Variants in GLB1 observed in about 807,000 individuals in gnomAD.
GLB1 encodes the protein beta-galactosidase.
A neutral mutation model predicts 74.0 loss-of-function variants in GLB1; 56 were observed. The observed-to-expected ratio is 0.76, with a 90% CI of 0.61 to 0.94. GLB1 has a LOEUF of 0.94. Among genes scored for constraint, GLB1 ranks in the 40% least tolerant of loss-of-function variants. The probability of loss-of-function intolerance (pLI) is 0.00; values close to 1 mark genes in which losing one functional copy is unlikely to be tolerated. For missense variants in GLB1, 787 were observed against 845.5 expected, an observed-to-expected ratio of 0.93 and a Z score of 0.86; for synonymous variants, 323 against 323.6, an observed-to-expected ratio of 1.00 and a Z score of 0.02.
chr3:33,042,743 A>G (rs955617627), intron 10 of GLB1, among the ~76,000 whole-genome samples: 2 of 151,946 alleles, frequency 1.3e-5, no homozygotes, highest in African/African-American at 2.4e-5. Flanking sequence ...AATGCCATAT[A>G]CCTTCCCAAG....
intron 4 of GLB1, among the ~76,000 whole-genome samples, chr3:33,065,797 A>G (rs750402322): frequency 2.6e-4 from 39 of 151,946 alleles, no homozygotes; most frequent in Non-Finnish European, 3.7e-4. Context: ...GAGAAACCCC[A>G]TCTCTACTAA....
At chr3:32,997,385 C>A in intron 15 of GLB1, 41 bp from the exon 16 acceptor site, 2 of 1,610,268 alleles carry the variant, frequency 1.2e-6, no homozygotes, top group South Asian at 1.1e-5. Context: ...CCCAGATGCA[C>A]CGAAAGCCCT....
intron 4 of GLB1, among the ~76,000 whole-genome samples, chr3:33,066,287 C>T (rs1243184453): frequency 6.6e-6 from 1 of 152,130 alleles, no homozygotes; most frequent in Non-Finnish European, 1.5e-5. Flanking sequence ...GCTCAGCCCT[C>T]ATAAGTAGAT....
In GLB1 at chr3:33,067,440, C is replaced by T. The variant is rs144994902; in HGVS notation, c.457+790G>A. ...CAGCCTCCCGGACTACAGGCATGTG[C>T]CAGCACACCTGGCTAATTTTTATAG... On this transcript the variant is annotated intron_variant, in intron 4 of 15. Transcript: ENST00000307363. Among the ~76,000 whole-genome samples, 345 of 119,022 alleles carry T rather than the reference C, an allele frequency of 2.9e-3. 7 individuals carry two copies. The South Asian group carries it at 0.065, about 22-fold the overall frequency. 78.1% of individuals were successfully genotyped at this position (119,022 alleles called of 152,430 possible).
At chr3:33,045,695 A>G in intron 10 of GLB1, 2 of 1,058,712 alleles carry the variant, frequency 1.9e-6, no homozygotes, top group Non-Finnish European at 2.3e-6. Flanking sequence ...CCATATATCC[A>G]TGCTGCCTTA....
chr3:32,985,659 A>C, the GLB1 span, among the ~76,000 whole-genome samples: 3 of 151,654 alleles, frequency 2.0e-5, no homozygotes, highest in Non-Finnish European at 2.9e-5. Flanking sequence ...TTTAGTATTG[A>C]TGCGTCTTCT....
chr3:32,996,976 G>A lies in GLB1; in HGVS notation c.*69C>T. On this transcript the variant is annotated 3_prime_UTR_variant, in exon 16 of 16. Transcript: ENST00000307363. ...ATTTCCACATTCCAATCAGTGAAAT[G>A]TGGCATGACAGGGAGGATCTGTGAG... 1 of 1,612,348 alleles carries A rather than the reference G, an allele frequency of 6.2e-7. No homozygotes were observed. The highest frequency in any genetic ancestry group is 8.5e-7 in the Non-Finnish European group (1 of 1,179,214).
At chr3:32,971,402 C>T in the GLB1 span, among the ~76,000 whole-genome samples, 4 of 152,308 alleles carry the variant, frequency 2.6e-5, no homozygotes, top group East Asian at 7.7e-4. Context: ...CAGCCAGTGC[C>T]CGAGCTTCCT....
Position 32,997,060 on chromosome 3 carries a change from C to T in GLB1, c.2019G>A (p.Trp673Ter). The change falls in exon 16 of 16, where the codon TGG (tryptophan) becomes TGA (stop). Residue 673 changes from tryptophan (W) to a stop codon, truncating the protein, a stop_gained. Coordinates refer to ENST00000307363, the MANE Select transcript of GLB1 (RefSeq NM_000404.4). LOFTEE classifies it high-confidence loss of function. ...GCTTTCATCATCATACATGGTCCAG[C>T]CATGAATCTTTGTTTTTTTGCGGGG... is the stretch of plus-strand genomic sequence containing the variant. Reference protein sequence around the residue: ...PPPPQKNKDSWLDHV With the variant: ...PPPPQKNKDS The T allele has an allele frequency of 6.2e-7, 1 of 1,614,082 alleles. No individual in the cohort carries two copies. Among genetic ancestry groups the T allele is most frequent in the Non-Finnish European group, 8.5e-7 (1 of 1,180,014 alleles).
In GLB1 at chr3:33,046,206, G is replaced by A. The variant is rs1244404381; in HGVS notation, c.982C>T (p.Pro328Ser). 6.2e-7 allele frequency: 1 copy of A among 1,614,016 alleles called. No homozygotes were observed. The highest frequency in any genetic ancestry group is 1.7e-5 in the Admixed American group (1 of 59,998). ...GGGGCATCATAGTCGTAGCTGGTGG[G>A]CTGTGCTGCATAGGGTGAGTTGGCC... ...NGANSPYAAQ[P>S]TSYDYDAPLS... The change falls in exon 10 of 16, where the codon CCC (proline) becomes TCC (serine). Residue 328 changes from proline to serine, a missense_variant. Transcript: ENST00000307363.
At chr3:33,059,280 CACACACACACAG>C (rs1490890684) in intron 5 of GLB1, among the ~76,000 whole-genome samples, 5 of 130,262 alleles carry the variant, frequency 3.8e-5, no homozygotes, top group African/African-American at 1.4e-4. Flanking sequence ...CACACACACA[CACACACACACAG>C]AGCAAATAAA....
intron 10 of GLB1, chr3:33,045,901 T>TGTAGG: frequency 1.2e-6 from 1 of 820,846 alleles, no homozygotes; most frequent in Non-Finnish European, 1.8e-6. Flanking sequence ...AGTTTTTAAA[T>TGTAGG]ACATGTCTTA....
intron 1 of GLB1, chr3:33,092,933 T>G: frequency 6.2e-7 from 1 of 1,614,202 alleles, no homozygotes; most frequent in Non-Finnish European, 8.5e-7. Context: ...CATACACGAA[T>G]GTAGCCTGGG....
At chr3:32,998,250 G>A (rs4678868) in intron 15 of GLB1, among the ~76,000 whole-genome samples, 51,992 of 152,176 alleles carry the variant, frequency 0.34, 9,398 homozygotes, top group Middle Eastern at 0.47. Flanking sequence ...GCTCATGCCT[G>A]TAATCCCAGA....
intron 5 of GLB1, among the ~76,000 whole-genome samples, chr3:33,064,027 T>C (rs546130870): frequency 1.1e-4 from 17 of 152,052 alleles, no homozygotes; most frequent in African/African-American, 3.9e-4. Context: ...AAGCTGCCCA[T>C]AGTACTGTTC....
At chr3:33,045,791 T>C (rs1211152508) in intron 10 of GLB1, 1 of 1,180,344 alleles carries the variant, frequency 8.5e-7, no homozygotes, top group Non-Finnish European at 1.1e-6. Flanking sequence ...TAATCTGGCC[T>C]GGAAGGAGAA....
At chr3:32,974,474 A>G in the GLB1 span, among the ~76,000 whole-genome samples, 1 of 152,198 alleles carries the variant, frequency 6.6e-6, no homozygotes, top group Non-Finnish European at 1.5e-5. Context: ...ATCCATATCT[A>G]TAGCTGTGTC....
At chr3:32,994,065 T>C (rs1213045917), downstream of GLB1, among the ~76,000 whole-genome samples, 1 of 152,210 alleles carries the variant, frequency 6.6e-6, no homozygotes, top group Non-Finnish European at 1.5e-5. Flanking sequence ...AAACAATCCC[T>C]CTCATGGGTA....
At chr3:33,081,862 T>C (rs9883177) in intron 1 of GLB1, among the ~76,000 whole-genome samples, 32,878 of 152,088 alleles carry the variant, frequency 0.22, 5,636 homozygotes, top group African/African-American at 0.46. Context: ...CTTGACATGT[T>C]TAAAAACTTG....
Sources: allele counts gnomAD v4.1 joint callset (sites outside exome capture counted in the v4.1 genomes callset), GRCh38; gene constraint gnomAD v4.1.1; transcripts MANE v1.5; gene names NCBI Gene and HGNC (gene_info 2026-07-23, HGNC 2026-07-21).